SH3GL2: variants seen among roughly 807,000 people sequenced by gnomAD.
SH3GL2 encodes the protein SH3 domain containing GRB2 like 2, endophilin A1.
A neutral mutation model predicts 46.0 loss-of-function variants in SH3GL2; 24 were observed. The ratio of observed to expected loss-of-function variants is 0.52; its 90% confidence interval spans 0.38 to 0.73. The LOEUF is 0.73. SH3GL2 is among the 30% of genes least tolerant of loss of function. SH3GL2 has a pLI of 0.00. For synonymous variants in SH3GL2, 196 were observed against 147.1 expected (o/e 1.33, Z -2.40); for missense variants, 413 against 424.2 (o/e 0.97, Z 0.23).
chr9:17,635,590 G>C (rs557783884), intron 1 of SH3GL2, among the ~76,000 whole-genome samples: 1 of 152,296 alleles, frequency 6.6e-6, no homozygotes, highest in East Asian at 1.9e-4. Flanking sequence ...TCCAGCACAT[G>C]CCTCCTGGGG....
At chr9:17,652,582 A>G (rs1332516912) in intron 1 of SH3GL2, among the ~76,000 whole-genome samples, 1 of 152,068 alleles carries the variant, frequency 6.6e-6, no homozygotes, top group Non-Finnish European at 1.5e-5. Context: ...CATTTCTGAG[A>G]TGGGTGTCTT....
chr9:17,740,175 T>C lies in SH3GL2; in HGVS notation c.46-6891T>C, dbSNP rs575043319. Among the ~76,000 whole-genome samples the C allele has an allele frequency of 2.0e-5, 3 of 152,244 alleles. No homozygotes were observed. In the East Asian group the frequency reaches 5.8e-4, roughly 29 times the overall value. ...ATTATCTCAATTTAGATAGACAAAA[T>C]GCCTTTACTCATTTTCTAAGAAAAT... On this transcript the variant is annotated intron_variant, in intron 1 of 8. Transcript: ENST00000380607.
At chr9:17,791,838 A>T (rs1271905782) in intron 7 of SH3GL2, among the ~76,000 whole-genome samples, 1 of 152,124 alleles carries the variant, frequency 6.6e-6, no homozygotes, top group East Asian at 1.9e-4. Context: ...TGTTTCTCTG[A>T]ATGGCGGTCA....
intron 1 of SH3GL2, among the ~76,000 whole-genome samples, chr9:17,667,455 C>T (rs1239550081): frequency 1.3e-5 from 2 of 152,150 alleles, no homozygotes; most frequent in Non-Finnish European, 2.9e-5. Flanking sequence ...TGGCTTCTTT[C>T]TCTTAGCATA....
intron 1 of SH3GL2, among the ~76,000 whole-genome samples, chr9:17,697,305 A>G (rs1352548276): frequency 2.7e-5 from 4 of 150,872 alleles, no homozygotes; most frequent in East Asian, 3.9e-4. Flanking sequence ...CTCACTGCAA[A>G]CTCCGCCTCC....
intron 1 of SH3GL2, among the ~76,000 whole-genome samples, chr9:17,616,951 A>G (rs975053563): frequency 6.6e-6 from 1 of 152,210 alleles, no homozygotes; most frequent in Non-Finnish European, 1.5e-5. Context: ...AGAGGCAACC[A>G]TTGTTACTGT....
intron 1 of SH3GL2, among the ~76,000 whole-genome samples, chr9:17,681,090 A>C (rs1332644500): frequency 6.6e-6 from 1 of 152,120 alleles, no homozygotes; most frequent in East Asian, 1.9e-4. Flanking sequence ...ACTCACACCA[A>C]ATCTTTTAAC....
chr9:17,629,958 A>T (rs1819381534), intron 1 of SH3GL2, among the ~76,000 whole-genome samples: 1 of 152,158 alleles, frequency 6.6e-6, no homozygotes, highest in Non-Finnish European at 1.5e-5. Flanking sequence ...AATCACATGG[A>T]GATGCTTGAA....
At chr9:17,733,296 T>C (rs529314981) in intron 1 of SH3GL2, among the ~76,000 whole-genome samples, 1 of 152,178 alleles carries the variant, frequency 6.6e-6, no homozygotes, top group South Asian at 2.1e-4. Flanking sequence ...ATTATTATAC[T>C]TTAAGTTTTA....
intron 3 of SH3GL2, among the ~76,000 whole-genome samples, chr9:17,766,805 T>G (rs1325003735): frequency 1.3e-5 from 2 of 152,224 alleles, no homozygotes; most frequent in Non-Finnish European, 2.9e-5. Context: ...GGTACAGCAC[T>G]AGATAGTTTG....
intron 5 of SH3GL2, among the ~76,000 whole-genome samples, chr9:17,788,592 A>G (rs16923365): frequency 0.065 from 9,938 of 152,132 alleles, 697 homozygotes; most frequent in African/African-American, 0.18. Context: ...TTGGAAAACT[A>G]CTTTGCTACC....
chr9:17,717,401 T>C (rs999931880), intron 1 of SH3GL2, among the ~76,000 whole-genome samples: 28 of 151,024 alleles, frequency 1.9e-4, no homozygotes, highest in African/African-American at 5.5e-4. Context: ...TTAATCTTTT[T>C]TCCCACACAG....
At chr9:17,700,164 C>T (rs1460770413) in intron 1 of SH3GL2, among the ~76,000 whole-genome samples, 1 of 152,138 alleles carries the variant, frequency 6.6e-6, no homozygotes, top group Non-Finnish European at 1.5e-5. Flanking sequence ...GATCCATCTG[C>T]TAGGGATTTA....
intron 1 of SH3GL2, among the ~76,000 whole-genome samples, chr9:17,588,759 A>G (rs1818425993): frequency 6.6e-6 from 1 of 152,232 alleles, no homozygotes; most frequent in Non-Finnish European, 1.5e-5. Context: ...CCAGACTTCT[A>G]ATTTATAGAA....
chr9:17,768,673 C>T (rs1015465256), intron 3 of SH3GL2, among the ~76,000 whole-genome samples: 9 of 152,098 alleles, frequency 5.9e-5, no homozygotes, highest in Non-Finnish European at 4.4e-5. Context: ...GCTGTTTCCC[C>T]TTCTCCTGGT....
chr9:17,771,839 C>A (rs1239868221), intron 3 of SH3GL2, among the ~76,000 whole-genome samples: 2 of 152,054 alleles, frequency 1.3e-5, no homozygotes, highest in Non-Finnish European at 2.9e-5. Context: ...TATATAAATA[C>A]CATTATTTGG....
At chr9:17,727,341 C>G (rs1044674979) in intron 1 of SH3GL2, among the ~76,000 whole-genome samples, 2 of 152,130 alleles carry the variant, frequency 1.3e-5, no homozygotes, top group Non-Finnish European at 2.9e-5. Flanking sequence ...AGCTCACAAG[C>G]TAAGAATGAC....
intron 1 of SH3GL2, among the ~76,000 whole-genome samples, chr9:17,620,425 A>G (rs1351644887): frequency 6.6e-6 from 1 of 152,120 alleles, no homozygotes; most frequent in East Asian, 1.9e-4. Context: ...TTAATTTATT[A>G]CTCCCAACAA....
chr9:17,589,871 C>T (rs1023011225), intron 1 of SH3GL2: 2 of 152,230 alleles, frequency 1.3e-5, no homozygotes, highest in African/African-American at 4.8e-5. Context: ...CCGTTAGCCC[C>T]ATGCTCTTTG....
Sources: allele counts gnomAD v4.1 joint callset (sites outside exome capture counted in the v4.1 genomes callset), GRCh38; gene constraint gnomAD v4.1.1; transcripts MANE v1.5; gene names NCBI Gene and HGNC (gene_info 2026-07-23, HGNC 2026-07-21).